The following ASXL2 variants were observed in gnomAD, a reference collection of about 807,000 sequenced individuals.
ASXL2 encodes the protein ASXL transcriptional regulator 2.
Under a neutral mutation model 122.0 loss-of-function variants are expected in ASXL2, and 23 were observed. The observed-to-expected ratio is 0.19, with a 90% CI of 0.14 to 0.27. ASXL2 has a LOEUF of 0.27. Ranked by LOEUF, ASXL2 falls within the 10% of genes least tolerant of loss-of-function variation. The pLI, the probability that ASXL2 is intolerant of heterozygous loss-of-function variation, is 1.00. For synonymous variants in ASXL2, 650 were observed against 637.0 expected (o/e 1.02, Z -0.31); for missense variants, 1,518 against 1,713.8 (o/e 0.89, Z 2.02).
In ASXL2 at chr2:25,750,368, G is replaced by C; in HGVS notation, c.1188C>G (p.Pro396=). Residue 396 remains proline (P), a synonymous_variant, in exon 12 of 13, where the codon CCC becomes CCG. Transcript: ENST00000435504. ...LEDSKKLTAS[P]SDPKVKKTPA... ...GGGTTTTCTTTACTTTGGGATCACT[G>C]GGAGAAGCTGTCAATTTCTTAGAAT... is the stretch of plus-strand genomic sequence containing the variant. The C allele has an allele frequency of 6.2e-7, 1 of 1,610,266 alleles. No individual in the cohort carries two copies. The highest frequency in any genetic ancestry group is 8.5e-7 in the Non-Finnish European group (1 of 1,179,026).
chr2:25,833,639 T>G lies in ASXL2; in HGVS notation c.143+1899A>C, dbSNP rs893018864. 4.0e-5 allele frequency among the ~76,000 whole-genome samples: 6 copies of G among 151,854 alleles called. No individual in the cohort carries two copies. In the East Asian group the frequency reaches 9.7e-4, roughly 24 times the overall value. ...TGAACTCAGGAGGCAGAGGTTGCAG[T>G]GAGCTGAGATTGCACCACTGCACTC... On this transcript the variant is annotated intron_variant, in intron 3 of 12. Transcript: ENST00000435504.
rs774182662 is a variant in ASXL2, at chr2:25,743,312, C to T, written c.3025G>A (p.Glu1009Lys). ...TENSTREEVN[E>K]RQSHPATQQQ... Reference sequence around the variant, plus strand: ...TGCGTAGCTGGATGGGACTGTCTCTCATTAACTTCCTCTCTGGTGCTATTT... The same window carrying T: ...TGCGTAGCTGGATGGGACTGTCTCTTATTAACTTCCTCTCTGGTGCTATTT... Residue 1009 changes from glutamate (E) to lysine (K), a missense_variant, in exon 13 of 13, where the codon GAG becomes AAG. Physicochemically the swap from Glu to Lys is moderately conservative, Grantham distance 56. Transcript: ENST00000435504. 6.2e-7 allele frequency: 1 copy of T among 1,613,928 alleles called. No homozygotes were observed. The highest frequency in any genetic ancestry group is 8.5e-7 in the Non-Finnish European group (1 of 1,179,858).
At chr2:25,765,009 ATACTTGAAATC>A (rs1419135231) in intron 8 of ASXL2, among the ~76,000 whole-genome samples, 7 of 152,222 alleles carry the variant, frequency 4.6e-5, no homozygotes, top group Admixed American at 2.0e-4. Context: ...CTATTATATT[ATACTTGAAATC>A]TGAGGTATGT....
In ASXL2 at chr2:25,744,935, C is replaced by CACACA. The variant is rs2087914987; in HGVS notation, c.1861-460_1861-459insTGTGT. 1.2e-4 allele frequency among the ~76,000 whole-genome samples: 17 copies of CACACA among 138,252 alleles called. No individual in the cohort carries two copies. Among genetic ancestry groups the CACACA allele is most frequent in the South Asian group, 2.5e-4 (1 of 4,004 alleles). The allele number at this position is 138,252 out of a possible 152,430, so 90.7% of individuals were successfully genotyped here. A position where few individuals can be genotyped will look rare whatever the true frequency, so the allele number is the denominator to read the frequency against. ...GGGAAAATACTTGCTCTTCTCTGTT[C>CACACA]CACACACACACACACACACACACAC... is the stretch of plus-strand genomic sequence containing the variant. On this transcript the variant is annotated intron_variant, in intron 12 of 12. Coordinates refer to ENST00000435504, the MANE Select transcript of ASXL2 (RefSeq NM_018263.6). This position sits in a 1 kb window ranked among gnomAD's most constrained non-coding sequence, Gnocchi z 4.7.
intron 4 of ASXL2, among the ~76,000 whole-genome samples, chr2:25,801,746 T>C (rs2089001727): frequency 6.6e-6 from 1 of 152,174 alleles, no homozygotes; most frequent in Admixed American, 6.5e-5. Flanking sequence ...CTAATGTCCT[T>C]TGTCTCCATC....
At chr2:25,852,418 C>T (rs539157439) in intron 1 of ASXL2, among the ~76,000 whole-genome samples, 24 of 152,316 alleles carry the variant, frequency 1.6e-4, no homozygotes, top group African/African-American at 5.5e-4. Flanking sequence ...ATTACTATTA[C>T]ATTATGAGTT....
intron 5 of ASXL2, among the ~76,000 whole-genome samples, chr2:25,783,783 C>T (rs1055039340): frequency 2.6e-5 from 4 of 151,582 alleles, no homozygotes; most frequent in East Asian, 1.9e-4. Context: ...TGGCCGGGTG[C>T]GGTGGCTCAC....
chr2:25,782,856 G>A (rs191896582), intron 5 of ASXL2, among the ~76,000 whole-genome samples: 1 of 152,194 alleles, frequency 6.6e-6, no homozygotes, highest in Non-Finnish European at 1.5e-5. Flanking sequence ...GGCTGGGCAT[G>A]GTGGCTCACG....
rs375392452 is a variant in ASXL2, at chr2:25,733,984, C to G, written c.*8045G>C. 6.6e-6 allele frequency: 1 copy of G among 151,586 alleles called. No individual in the cohort carries two copies. The highest frequency in any genetic ancestry group is 2.1e-4 in the South Asian group (1 of 4,814). 9.4% of individuals were successfully genotyped at this position (151,586 alleles called of 1,614,324 possible). On this transcript the variant is annotated 3_prime_UTR_variant, in exon 13 of 13. Transcript: ENST00000435504. ...ATTTTAAGTGAATAAGAATTACATA[C>G]GGTAATTTCTTCCATTCCGACTTCT...
chr2:25,853,515 GTTC>G (rs1278776518), intron 1 of ASXL2, among the ~76,000 whole-genome samples: 2 of 152,026 alleles, frequency 1.3e-5, no homozygotes, highest in African/African-American at 4.8e-5. Flanking sequence ...CTTCTTCAGG[GTTC>G]TTTTCTCCTC....
At chr2:25,790,719 A>C (rs1252848184) in intron 5 of ASXL2, among the ~76,000 whole-genome samples, 2 of 152,006 alleles carry the variant, frequency 1.3e-5, no homozygotes, top group Non-Finnish European at 2.9e-5. Context: ...GAAAAACAAA[A>C]GACGCTAGTT....
At chr2:25,825,053 G>C (rs1288169041) in intron 3 of ASXL2, among the ~76,000 whole-genome samples, 1 of 152,140 alleles carries the variant, frequency 6.6e-6, no homozygotes, top group African/African-American at 2.4e-5. Flanking sequence ...CTGAATCATT[G>C]CATTGTGAGC....
intron 1 of ASXL2, among the ~76,000 whole-genome samples, chr2:25,850,825 G>T (rs997351573): frequency 6.6e-6 from 1 of 152,034 alleles, no homozygotes; most frequent in Non-Finnish European, 1.5e-5. Context: ...CTATCTATTT[G>T]GTTACCCGAG....
chr2:25,811,055 T>TACACACAC (rs34006530), intron 3 of ASXL2, among the ~76,000 whole-genome samples: 19,186 of 116,200 alleles, frequency 0.17, 2,109 homozygotes, highest in Non-Finnish European at 0.23. Context: ...AATACAAAAA[T>TACACACAC]ACACACACAC....
rs148832536 is a variant in ASXL2, at chr2:25,765,812, T to C, written c.775+1771A>G. Among the ~76,000 whole-genome samples the C allele has an allele frequency of 6.7e-4, 102 of 152,332 alleles. 3 individuals carry two copies. The East Asian group carries it at 0.018, about 27-fold the overall frequency. On this transcript the variant is annotated intron_variant, in intron 8 of 12. Coordinates refer to ENST00000435504, the MANE Select transcript of ASXL2 (RefSeq NM_018263.6). Reference sequence around the variant, plus strand: ...AGAAATATTGCTCTGTTCATCATCATAGCCCTAGGACTCTAAATCTGTGTT... The same window carrying C: ...AGAAATATTGCTCTGTTCATCATCACAGCCCTAGGACTCTAAATCTGTGTT...
chr2:25,774,201 C>T (rs2088508058), intron 5 of ASXL2, among the ~76,000 whole-genome samples: 1 of 151,902 alleles, frequency 6.6e-6, no homozygotes, highest in Non-Finnish European at 1.5e-5. Context: ...ACACCAAGCC[C>T]CCATGACATA....
chr2:25,848,637 C>CAAAT (rs1160344275), intron 1 of ASXL2, among the ~76,000 whole-genome samples: 9 of 151,694 alleles, frequency 5.9e-5, no homozygotes, highest in Admixed American at 4.6e-4. Context: ...AATAAACAAA[C>CAAAT]AAATAAATAA....
Position 25,743,821 on chromosome 2 carries a change from G to A in ASXL2, c.2516C>T (p.Ala839Val), listed in dbSNP as rs754003597. 1.1e-5 allele frequency: 18 copies of A among 1,613,914 alleles called. No individual in the cohort carries two copies. The highest frequency in any genetic ancestry group is 1.5e-5 in the Non-Finnish European group (18 of 1,179,910). ...QEKAPSPTGP[A>V]LISGASPVHC... ...AACAGGTGAGGCACCTGAGATTAGAGCAGGACCTGTTGGAGAAGGTGCTTT... is the reference window on the plus strand; with the variant it reads ...AACAGGTGAGGCACCTGAGATTAGAACAGGACCTGTTGGAGAAGGTGCTTT... The change falls in exon 13 of 13, where the codon GCT becomes GTT. Residue 839 changes from alanine to valine, a missense_variant. By Grantham distance (64) the Ala-to-Val change is moderately conservative. Coordinates refer to ENST00000435504, the MANE Select transcript of ASXL2 (RefSeq NM_018263.6).
chr2:25,766,950 G>A (rs1012779881), intron 8 of ASXL2, among the ~76,000 whole-genome samples: 3 of 152,038 alleles, frequency 2.0e-5, no homozygotes, highest in Admixed American at 1.3e-4. Flanking sequence ...GAGCCTTCCC[G>A]GTGTTCTGCA....
Sources: allele counts gnomAD v4.1 joint callset (sites outside exome capture counted in the v4.1 genomes callset), GRCh38; gene constraint gnomAD v4.1.1; non-coding constraint Gnocchi (gnomAD v3.1); transcripts MANE v1.5; gene names NCBI Gene and HGNC (gene_info 2026-07-23, HGNC 2026-07-21).